The following LINGO4 variants were observed in gnomAD, a reference collection of about 807,000 sequenced individuals.
LINGO4 encodes the protein leucine rich repeat and Ig domain containing 4, also known as leucine-rich repeat and immunoglobulin-like domain-containing nogo receptor-interacting protein 4.
Under a neutral mutation model 27.9 loss-of-function variants are expected in LINGO4, and 22 were observed. The ratio of observed to expected loss-of-function variants is 0.79; its 90% CI spans 0.56 to 1.13. The LOEUF (loss-of-function observed/expected upper bound fraction) is 1.13. LINGO4 is among the 50% of genes most tolerant of loss of function. The probability of loss-of-function intolerance (pLI) is 0.00; values close to 1 mark genes in which losing one functional copy is unlikely to be tolerated. For synonymous variants in LINGO4, 306 were observed against 325.8 expected, an observed-to-expected ratio of 0.94 and a Z score of 0.65; for missense variants, 706 against 739.4, an observed-to-expected ratio of 0.95 and a Z score of 0.52.
rs1334015141 is a variant in LINGO4 at position 151,801,155 on chromosome 1, GT to G, written c.1549del (p.Thr517ProfsTer31). 2 of 1,614,232 alleles carry G rather than the reference GT, an allele frequency of 1.2e-6. No homozygotes were observed. Among genetic ancestry groups the G allele is most frequent in the South Asian group, 2.2e-5 (2 of 91,086 alleles). ...AAAAGGCCCTGGGATCCCTGGCACG[GT>G]GATGTTGGGGTCAGAAAGTGTGCCG... ...PNGTLSDPNI[T>X]VPGIPGPFFL... On this transcript the variant is annotated frameshift_variant, in exon 2 of 2. Transcript: ENST00000368820. LOFTEE classifies it high-confidence loss of function. This position sits in a 1 kb window ranked among gnomAD's most constrained non-coding sequence, Gnocchi z 5.7.
At position 151,801,003 on chromosome 1, in the gene LINGO4, T is replaced by A; in HGVS notation, c.1702A>T (p.Met568Leu). ...CGAGGTGCCACAAAGTCAAAGGTCA[T>A]GTGATGTTTGACCCGACCTTTGCCC... ...SKGKGRVKHH[M>L]TFDFVAPRPS... Residue 568 changes from methionine to leucine, a missense_variant, in exon 2 of 2, where the codon ATG becomes TTG. Transcript: ENST00000368820. The surrounding 1 kb of genome is among the most constrained non-coding windows in gnomAD (Gnocchi z 5.7). The A allele has an allele frequency of 6.2e-7, 1 of 1,614,086 alleles. No individual in the cohort carries two copies. Among genetic ancestry groups the A allele is most frequent in the Non-Finnish European group, 8.5e-7 (1 of 1,180,002 alleles).
intron 1 of LINGO4, among the ~76,000 whole-genome samples, chr1:151,803,929 A>C (rs7534811): frequency 0.31 from 47,769 of 151,920 alleles, 8,056 homozygotes; most frequent in Middle Eastern, 0.44. Context: ...TCATCCTGTT[A>C]GATGTCAACA....
chr1:151,801,533 A>G lies in LINGO4; in HGVS notation c.1172T>C (p.Val391Ala). Residue 391 changes from valine to alanine, a missense_variant, in exon 2 of 2, where the codon GTC (valine) becomes GCC (alanine). Physicochemically the swap from Val to Ala is moderately conservative, Grantham distance 64. Transcript: ENST00000368820. The surrounding 1 kb of genome is among the most constrained non-coding windows in gnomAD (Gnocchi z 5.7). ...SPPACAGPHH[V>A]QGKSLKEFSD... ...AAACTCCTTCAGGCTCTTCCCCTGG[A>G]CATGATGGGGGCCAGCACAGGCAGG... 1 of 1,614,018 alleles carries G rather than the reference A, an allele frequency of 6.2e-7. No homozygotes were observed. Among genetic ancestry groups the G allele is most frequent in the Non-Finnish European group, 8.5e-7 (1 of 1,180,010 alleles).
In LINGO4 at chr1:151,800,680, G is replaced by A; in HGVS notation, c.*243C>T. 3 of 501,696 alleles carry A rather than the reference G, an allele frequency of 6.0e-6. No homozygotes were observed. Among genetic ancestry groups the A allele is most frequent in the South Asian group, 6.7e-5 (2 of 30,006 alleles). The allele number at this position is 501,696 out of a possible 1,614,324, so 31.1% of individuals were successfully genotyped here. A position where few individuals can be genotyped will look rare whatever the true frequency, so the allele number is the denominator to read the frequency against. ...TGTGTGTGGAGGGGGTGAAGCAGGG[G>A]CTGGACTAACGACGGGGTCTGCATC... On this transcript the variant is annotated 3_prime_UTR_variant, in exon 2 of 2. Coordinates refer to ENST00000368820, the MANE Select transcript of LINGO4 (RefSeq NM_001004432.4).
At position 151,801,387 on chromosome 1, in the gene LINGO4, C is replaced by T. The variant is rs780271204; in HGVS notation, c.1318G>A (p.Asp440Asn). ...HAVFSCSGDG[D>N]PAPTVSWMRP... Reference sequence around the variant, plus strand: ...ATCCAGGAGACAGTGGGGGCTGGGTCTCCATCTCCAGAGCAGGAGAAAACC... The same window carrying T: ...ATCCAGGAGACAGTGGGGGCTGGGTTTCCATCTCCAGAGCAGGAGAAAACC... The change falls in exon 2 of 2, where the codon GAC becomes AAC. Residue 440 changes from aspartate (D) to asparagine (N), a missense_variant. Asp to Asn is a conservative substitution (Grantham distance 23). Transcript: ENST00000368820. This position sits in a 1 kb window ranked among gnomAD's most constrained non-coding sequence, Gnocchi z 5.7. 1 of 1,614,092 alleles carries T rather than the reference C, an allele frequency of 6.2e-7. No individual in the cohort carries two copies. The highest frequency in any genetic ancestry group is 2.2e-5 in the East Asian group (1 of 44,876).
In LINGO4 at chr1:151,800,705, C is replaced by T. The variant is rs1651119968; in HGVS notation, c.*218G>A. 1 of 534,496 alleles carries T rather than the reference C, an allele frequency of 1.9e-6. No individual in the cohort carries two copies. The highest frequency in any genetic ancestry group is 3.3e-6 in the Non-Finnish European group (1 of 303,546). The allele number at this position is 534,496 out of a possible 1,614,324, so 33.1% of individuals were successfully genotyped here. A position where few individuals can be genotyped will look rare whatever the true frequency, so the allele number is the denominator to read the frequency against. ...GCTGGACTAACGACGGGGTCTGCAT[C>T]TGCAGCTCCCTGGGACCCTCAGAGA... On this transcript the variant is annotated 3_prime_UTR_variant, in exon 2 of 2. Transcript: ENST00000368820.
chr1:151,800,804 G>T lies in LINGO4; in HGVS notation c.*119C>A. Reference sequence around the variant, plus strand: ...CTCCGGCAGGAGGCACAACGCAGGCGGGAGGTGCAGGAGAGCGGTGCTGCT... The same window carrying T: ...CTCCGGCAGGAGGCACAACGCAGGCTGGAGGTGCAGGAGAGCGGTGCTGCT... On this transcript the variant is annotated 3_prime_UTR_variant, in exon 2 of 2. Coordinates refer to ENST00000368820, the MANE Select transcript of LINGO4 (RefSeq NM_001004432.4). 1.2e-6 allele frequency: 1 copy of T among 868,134 alleles called. No homozygotes were observed. Among genetic ancestry groups the T allele is most frequent in the Non-Finnish European group, 1.8e-6 (1 of 559,582 alleles). The allele number at this position is 868,134 out of a possible 1,614,324, so 53.8% of individuals were successfully genotyped here. A position where few individuals can be genotyped will look rare whatever the true frequency, so the allele number is the denominator to read the frequency against.
Position 151,802,378 on chromosome 1 carries a change from G to T in LINGO4, c.327C>A (p.Ser109Arg), listed in dbSNP as rs1651179736. The part of the protein sequence containing the change: ...LEPGAFHGLQ[S>R]LLTLRLQGNR... The stretch of plus-strand genomic sequence containing the variant: ...TGCCCTGCAGCCTCAGGGTGAGTAG[G>T]CTTTGTAGGCCATGGAAGGCCCCAG... Residue 109 changes from serine (S) to arginine (R), a missense_variant, in exon 2 of 2, where the codon AGC becomes AGA. Physicochemically the swap from Ser to Arg is moderately radical, Grantham distance 110. Transcript: ENST00000368820. 1.2e-6 allele frequency: 2 copies of T among 1,614,062 alleles called. No individual in the cohort carries two copies.
At position 151,802,148 on chromosome 1, in the gene LINGO4, G is replaced by A. The variant is rs1285791322; in HGVS notation, c.557C>T (p.Thr186Ile). The change falls in exon 2 of 2, where the codon ACC becomes ATC. Residue 186 changes from threonine to isoleucine, a missense_variant. Transcript: ENST00000368820. ...FAGLAKLSTLTLERCNLSTVP... is the reference protein window; with the variant it reads ...FAGLAKLSTLILERCNLSTVP... ...TGTGCTGAGGTTGCAGCGCTCCAGGGTGAGGGTGCTCAACTTGGCTAGCCC... is the reference window on the plus strand; with the variant it reads ...TGTGCTGAGGTTGCAGCGCTCCAGGATGAGGGTGCTCAACTTGGCTAGCCC... The A allele has an allele frequency of 5.0e-6, 8 of 1,613,936 alleles. No individual in the cohort carries two copies. The highest frequency in any genetic ancestry group is 1.3e-5 in the African/African-American group (1 of 75,058).
rs567478267 is a variant in LINGO4, at chr1:151,800,444, A to T, written c.*479T>A. Reference sequence around the variant, plus strand: ...GGGTCCTTTGCTCTTATTCCTGTACATAGGGGCAGGGTTGGGGTGGGGAGC... The same window carrying T: ...GGGTCCTTTGCTCTTATTCCTGTACTTAGGGGCAGGGTTGGGGTGGGGAGC... On this transcript the variant is annotated 3_prime_UTR_variant, in exon 2 of 2. Coordinates refer to ENST00000368820, the MANE Select transcript of LINGO4 (RefSeq NM_001004432.4). 6.2e-6 allele frequency: 1 copy of T among 162,486 alleles called. No individual in the cohort carries two copies. Among genetic ancestry groups the T allele is most frequent in the South Asian group, 1.8e-4 (1 of 5,618 alleles). 10.1% of individuals were successfully genotyped at this position (162,486 alleles called of 1,614,324 possible). A position where few individuals can be genotyped will look rare whatever the true frequency, so the allele number is the denominator to read the frequency against.
At position 151,805,401 on chromosome 1, in the gene LINGO4, G is replaced by C. The variant is rs763393233; in HGVS notation, c.-185C>G. 2 of 192,214 alleles carry C rather than the reference G, an allele frequency of 1.0e-5. No homozygotes were observed. Among genetic ancestry groups the C allele is most frequent in the Non-Finnish European group, 2.2e-5 (2 of 92,030 alleles). 11.9% of individuals were successfully genotyped at this position (192,214 alleles called of 1,614,324 possible). A position where few individuals can be genotyped will look rare whatever the true frequency, so the allele number is the denominator to read the frequency against. On this transcript the variant is annotated 5_prime_UTR_variant, in exon 1 of 2. Coordinates refer to ENST00000368820, the MANE Select transcript of LINGO4 (RefSeq NM_001004432.4). The stretch of plus-strand genomic sequence containing the variant: ...CTGCTGCTGCTGCTGTTGCTGCTGC[G>C]GCCGCTGCTGCCAAGACTGAGGTGG...
At chr1:151,805,006 G>A (rs1476847022) in intron 1 of LINGO4, among the ~76,000 whole-genome samples, 2 of 152,190 alleles carry the variant, frequency 1.3e-5, no homozygotes, top group Non-Finnish European at 2.9e-5. Context: ...GGAAGCACTG[G>A]GGAGATGGAA....
chr1:151,800,810 T>C lies in LINGO4; in HGVS notation c.*113A>G, dbSNP rs1328993792. 2.1e-6 allele frequency: 2 copies of C among 937,294 alleles called. No individual in the cohort carries two copies. The highest frequency in any genetic ancestry group is 1.7e-5 in the African/African-American group (1 of 60,286). The allele number at this position is 937,294 out of a possible 1,614,324, so 58.1% of individuals were successfully genotyped here. On this transcript the variant is annotated 3_prime_UTR_variant, in exon 2 of 2. Transcript: ENST00000368820. ...CAGGAGGCACAACGCAGGCGGGAGG[T>C]GCAGGAGAGCGGTGCTGCTCGGGAC...
Position 151,802,135 on chromosome 1 carries a change from G to A in LINGO4, c.570C>T (p.Cys190=), listed in dbSNP as rs1169985710. 6.2e-7 allele frequency: 1 copy of A among 1,613,878 alleles called. No individual in the cohort carries two copies. The highest frequency in any genetic ancestry group is 8.5e-7 in the Non-Finnish European group (1 of 1,180,024). ...CTAGGCCAGGCACTGTGCTGAGGTT[G>A]CAGCGCTCCAGGGTGAGGGTGCTCA... The part of the protein sequence containing the change: ...AKLSTLTLER[C]NLSTVPGLAL... Residue 190 remains cysteine (C), a synonymous_variant, in exon 2 of 2, where the codon TGC becomes TGT. Coordinates refer to ENST00000368820, the MANE Select transcript of LINGO4 (RefSeq NM_001004432.4).
At position 151,805,378 on chromosome 1, in the gene LINGO4, G is replaced by A. The variant is rs776061826; in HGVS notation, c.-162C>T. The A allele has an allele frequency of 5.2e-6, 1 of 193,540 alleles. No individual in the cohort carries two copies. Among genetic ancestry groups the A allele is most frequent in the Non-Finnish European group, 1.1e-5 (1 of 92,658 alleles). The allele number at this position is 193,540 out of a possible 1,614,324, so 12.0% of individuals were successfully genotyped here. On this transcript the variant is annotated 5_prime_UTR_variant, in exon 1 of 2. Transcript: ENST00000368820. ...GGCTGCCCGGCTGCTGCCTGCCGCT[G>A]CTGCTGCTGCTGTTGCTGCTGCGGC...
chr1:151,800,575 T>G lies in LINGO4; in HGVS notation c.*348A>C. 4.7e-6 allele frequency: 1 copy of G among 211,756 alleles called. No individual in the cohort carries two copies. The highest frequency in any genetic ancestry group is 9.4e-6 in the Non-Finnish European group (1 of 106,476). 13.1% of individuals were successfully genotyped at this position (211,756 alleles called of 1,614,324 possible). A position where few individuals can be genotyped will look rare whatever the true frequency, so the allele number is the denominator to read the frequency against. On this transcript the variant is annotated 3_prime_UTR_variant, in exon 2 of 2. Transcript: ENST00000368820. ...TCTTATAGCCGTGGTTGGCAATTGG[T>G]TATTAAAGGATATAAGCATGTGTGA...
rs1651135515 is a variant in LINGO4 at position 151,801,279 on chromosome 1, G to A, written c.1426C>T (p.Leu476=). 6.2e-7 allele frequency: 1 copy of A among 1,613,974 alleles called. No individual in the cohort carries two copies. The highest frequency in any genetic ancestry group is 1.3e-5 in the African/African-American group (1 of 74,938). The change falls in exon 2 of 2, where the codon CTA becomes TTA. Residue 476 remains leucine, a synonymous_variant. Coordinates refer to ENST00000368820, the MANE Select transcript of LINGO4 (RefSeq NM_001004432.4). This position sits in a 1 kb window ranked among gnomAD's most constrained non-coding sequence, Gnocchi z 5.7. ...DGTLEIRSVQ[L]RDRGAYVCVV... ...CAGACATAGGCCCCTCTGTCCCGTA[G>A]CTGCACTGAGCGGATCTCCAGTGTC...
At position 151,801,333 on chromosome 1, in the gene LINGO4, C is replaced by T. The variant is rs567809869; in HGVS notation, c.1372G>A (p.Ala458Thr). ...TCCTCTAGGACCCTTACTCTCCCAG[C>T]CCTGCCCAGCCAAGCCCCATGAGGC... The part of the protein sequence containing the change: ...MRPHGAWLGR[A>T]GRVRVLEDGT... Residue 458 changes from alanine to threonine, a missense_variant, in exon 2 of 2, where the codon GCT becomes ACT. Transcript: ENST00000368820. This position sits in a 1 kb window ranked among gnomAD's most constrained non-coding sequence, Gnocchi z 5.7. 2.8e-5 allele frequency: 45 copies of T among 1,612,758 alleles called. No homozygotes were observed. The East Asian group carries it at 8.5e-4, about 30-fold the overall frequency.
Position 151,802,245 on chromosome 1 carries a change from C to A in LINGO4, c.460G>T (p.Glu154Ter). ...IVLFLDGAFGELGSLQKLEVG... is the reference protein window; with the variant it reads ...IVLFLDGAFG ...TCCAGCTTCTGGAGGCTGCCTAGCT[C>A]CCCAAAAGCTCCATCTAGGAAGAGA... Residue 154 changes from glutamate (E) to a stop codon, truncating the protein, a stop_gained, in exon 2 of 2, where the codon GAG becomes TAG. Transcript: ENST00000368820. LOFTEE classifies it high-confidence loss of function. 2 of 1,614,202 alleles carry A rather than the reference C, an allele frequency of 1.2e-6. No homozygotes were observed. Among genetic ancestry groups the A allele is most frequent in the Non-Finnish European group, 1.7e-6 (2 of 1,180,024 alleles).
Sources: allele counts gnomAD v4.1 joint callset (sites outside exome capture counted in the v4.1 genomes callset), GRCh38; gene constraint gnomAD v4.1.1; non-coding constraint Gnocchi (gnomAD v3.1); transcripts MANE v1.5; gene names NCBI Gene and HGNC (gene_info 2026-07-23, HGNC 2026-07-21).